KCNC3: variants seen among roughly 807,000 people sequenced by gnomAD.
KCNC3 encodes potassium voltage-gated channel subfamily C member 3, also known as voltage-gated potassium channel KCNC3.
A neutral mutation model predicts 43.9 loss-of-function variants in KCNC3; 22 were observed. That is an observed-to-expected ratio of 0.50 (90% CI 0.36 to 0.72). The LOEUF (loss-of-function observed/expected upper bound fraction) is 0.72. Among genes scored for constraint, KCNC3 ranks in the 30% least tolerant of loss-of-function variants. The pLI is 0.00. For missense variants in KCNC3, 829 were observed against 1,073.8 expected (o/e 0.77, Z 3.19); for synonymous variants, 492 against 488.0 (o/e 1.01, Z -0.11).
In KCNC3 at chr19:50,324,223, G is replaced by A. The variant is rs1240639270; in HGVS notation, c.871-141C>T. 5.5e-6 allele frequency: 4 copies of A among 729,010 alleles called. No individual in the cohort carries two copies. The highest frequency in any genetic ancestry group is 8.8e-6 in the Non-Finnish European group (4 of 455,540). The allele number at this position is 729,010 out of a possible 1,614,324, so 45.2% of individuals were successfully genotyped here. On this transcript the variant is annotated intron_variant, in intron 1 of 4. Coordinates refer to ENST00000477616, the MANE Select transcript of KCNC3 (RefSeq NM_004977.3). This position sits in a 1 kb window ranked among gnomAD's most constrained non-coding sequence, Gnocchi z 4.1. ...GGCAAAATCCAGGTGTCTCAGCCCT[G>A]TGGCTCCATCACTTCCAGAATCCCA... is the stretch of plus-strand genomic sequence containing the variant.
Position 50,315,246 on chromosome 19 carries a change from C to T in KCNC3, c.*869G>A, listed in dbSNP as rs986390952. Among the ~76,000 whole-genome samples the T allele has an allele frequency of 1.3e-4, 19 of 149,554 alleles. No homozygotes were observed. Among genetic ancestry groups the T allele is most frequent in the Non-Finnish European group, 2.4e-4 (16 of 67,552 alleles). ...AGATGGAGAGAGAAAGTGAACAAAT[C>T]GGGGAGTCAGTCAACATCGATGAGA... is the stretch of plus-strand genomic sequence containing the variant. On this transcript the variant is annotated 3_prime_UTR_variant, in exon 5 of 5. Coordinates refer to ENST00000477616, the MANE Select transcript of KCNC3 (RefSeq NM_004977.3).
At chr19:50,317,500 G>T (rs557904539) in intron 4 of KCNC3, among the ~76,000 whole-genome samples, 71 of 152,232 alleles carry the variant, frequency 4.7e-4, no homozygotes, top group Non-Finnish European at 7.9e-4. Context: ...TTGAATGAAT[G>T]CATGATGGAT....
rs1312786882 is a variant in KCNC3, at chr19:50,313,349, C to T, written c.*2766G>A. The T allele has an allele frequency of 5.3e-5, 8 of 152,212 alleles. No homozygotes were observed. Among genetic ancestry groups the T allele is most frequent in the Admixed American group, 4.6e-4 (7 of 15,288 alleles). The allele number at this position is 152,212 out of a possible 1,614,324, so 9.4% of individuals were successfully genotyped here. On this transcript the variant is annotated 3_prime_UTR_variant, in exon 5 of 5. Coordinates refer to ENST00000477616, the MANE Select transcript of KCNC3 (RefSeq NM_004977.3). ...CTACTTTAAATGGAAACACTCTTAA[C>T]CTAAATAAACCGTGTCCTAGCCAAG...
In KCNC3 at chr19:50,328,282, T is replaced by C. The variant is rs2037130948; in HGVS notation, c.801A>G (p.Thr267=). ...PPGGAGGAGG[T]WWRRWQPRVW... ...CGCGGGGCTGCCAGCGGCGCCACCA[T>C]GTGCCGCCCGCGCCGCCCGCGCCCC... The change falls in exon 1 of 5, where the codon ACA becomes ACG. Residue 267 remains threonine, a synonymous_variant. Transcript: ENST00000477616. 8.5e-7 allele frequency: 1 copy of C among 1,179,142 alleles called. No homozygotes were observed. 73.0% of individuals were successfully genotyped at this position (1,179,142 alleles called of 1,614,324 possible).
intron 4 of KCNC3, among the ~76,000 whole-genome samples, chr19:50,316,939 CTCCAGCCATGATTTGAGT>C (rs1269910723): frequency 2.0e-5 from 3 of 152,024 alleles, no homozygotes; most frequent in Non-Finnish European, 2.9e-5. Flanking sequence ...ACCCCATCAG[CTCCAGCCATGATTTGAGT>C]TCAATGAATG....
At chr19:50,326,930 GA>G (rs142215367) in intron 1 of KCNC3, among the ~76,000 whole-genome samples, 7,144 of 147,568 alleles carry the variant, frequency 0.048, 374 homozygotes, top group African/African-American at 0.11. Flanking sequence ...GGCGGGGGGG[GA>G]GGTTCGAGAA....
Position 50,328,759 on chromosome 19 carries a change from G to A in KCNC3, c.324C>T (p.Thr108=). 6.3e-7 allele frequency: 1 copy of A among 1,589,720 alleles called. No individual in the cohort carries two copies. The highest frequency in any genetic ancestry group is 8.6e-7 in the Non-Finnish European group (1 of 1,168,952). Residue 108 remains threonine, a synonymous_variant, in exon 1 of 5, where the codon ACC becomes ACT. Transcript: ENST00000477616. ...RHETYRSTLR[T]LPGTRLAGLT... ...GGCCGGCCAGCCGCGTCCCCGGCAGGGTGCGCAGCGTCGAGCGGTACGTCT... is the reference window on the plus strand; with the variant it reads ...GGCCGGCCAGCCGCGTCCCCGGCAGAGTGCGCAGCGTCGAGCGGTACGTCT...
At chr19:50,322,023 G>A (rs1213662954) in intron 2 of KCNC3, among the ~76,000 whole-genome samples, 2 of 151,982 alleles carry the variant, frequency 1.3e-5, no homozygotes, top group Non-Finnish European at 2.9e-5. Context: ...GAGGTGGGAC[G>A]TGGGGGTCCC....
At position 50,323,244 on chromosome 19, in the gene KCNC3, C is replaced by T; in HGVS notation, c.1709G>A (p.Gly570Asp). 1 of 1,595,342 alleles carries T rather than the reference C, an allele frequency of 6.3e-7. No homozygotes were observed. Among genetic ancestry groups the T allele is most frequent in the East Asian group, 2.2e-5 (1 of 44,530 alleles). ...GTCAGGCTTGCAGTAGTTGGGCGAGCCCGGTTGCGGGGGCCGGGGGATGTG... is the reference window on the plus strand; with the variant it reads ...GTCAGGCTTGCAGTAGTTGGGCGAGTCCGGTTGCGGGGGCCGGGGGATGTG... ...NKHIPRPPQP[G>D]SPNYCKPDPP... The change falls in exon 2 of 5, where the codon GGC becomes GAC. Residue 570 changes from glycine (G) to aspartate (D), a missense_variant. Physicochemically the swap from Gly to Asp is moderately conservative, Grantham distance 94. Coordinates refer to ENST00000477616, the MANE Select transcript of KCNC3 (RefSeq NM_004977.3).
At position 50,323,500 on chromosome 19, in the gene KCNC3, T is replaced by A. The variant is rs2037062711; in HGVS notation, c.1453A>T (p.Thr485Ser). ...DPDDILGSNH[T>S]YFKNIPIGFW... ...CCAATGGGGATGTTCTTGAAGTAGG[T>A]GTGGTTGGAGCCCAGGATGTCATCG... The change falls in exon 2 of 5, where the codon ACC becomes TCC. Residue 485 changes from threonine (T) to serine (S), a missense_variant. This residue lies in a region of KCNC3 where 21 missense variants were observed against 21.0 expected (regional missense o/e 1.00). Transcript: ENST00000477616. 1.2e-6 allele frequency: 2 copies of A among 1,613,866 alleles called. No homozygotes were observed. Among genetic ancestry groups the A allele is most frequent in the Admixed American group, 3.3e-5 (2 of 59,998 alleles).
chr19:50,328,521 T>C lies in KCNC3; in HGVS notation c.562A>G (p.Thr188Ala). 2 of 1,610,202 alleles carry C rather than the reference T, an allele frequency of 1.2e-6. No homozygotes were observed. Among genetic ancestry groups the C allele is most frequent in the Non-Finnish European group, 1.7e-6 (2 of 1,179,360 alleles). Residue 188 changes from threonine to alanine, a missense_variant, in exon 1 of 5, where the codon ACC becomes GCC. This residue lies in a region of KCNC3 where 121 missense variants were observed against 247.4 expected (regional missense o/e 0.49). Transcript: ENST00000477616. ...ETDVEACCWM[T>A]YRQHRDAEEA... ...TCAGCGTCGCGATGCTGCCGGTAGG[T>C]CATCCAGCAGCAGGCCTCCACGTCG... is the stretch of plus-strand genomic sequence containing the variant.
At chr19:50,330,181 C>T (rs2037170546), upstream of KCNC3, among the ~76,000 whole-genome samples, 1 of 152,076 alleles carries the variant, frequency 6.6e-6, no homozygotes, top group Admixed American at 6.5e-5. Flanking sequence ...GCAGGAGAAT[C>T]GCTTGAACCT....
rs116701094 is a variant in KCNC3 at position 50,315,333 on chromosome 19, G to A, written c.*782C>T. On this transcript the variant is annotated 3_prime_UTR_variant, in exon 5 of 5. Transcript: ENST00000477616. ...ATTAGGAGGCAGGTTGGTGCCCACC[G>A]AGCCTCCCCCGCCCCATTCCCACCA... Among the ~76,000 whole-genome samples, 2,214 of 151,746 alleles carry A rather than the reference G, an allele frequency of 0.015. 51 individuals carry two copies. The highest frequency in any genetic ancestry group is 0.047 in the African/African-American group (1,954 of 41,346).
At chr19:50,317,150 TTAGA>T (rs886825284) in intron 4 of KCNC3, among the ~76,000 whole-genome samples, 44 of 141,474 alleles carry the variant, frequency 3.1e-4, no homozygotes, top group African/African-American at 1.1e-3. Flanking sequence ...GGGGGAGGAG[TTAGA>T]TAGGAGCAGG....
chr19:50,322,689 C>T lies in KCNC3; in HGVS notation c.1978+286G>A, dbSNP rs551303673. On this transcript the variant is annotated intron_variant, in intron 2 of 4. Transcript: ENST00000477616. Reference sequence around the variant, plus strand: ...TCTTTCTGTGTCTCTCTGAGCCCCACGCTCCTCCGGGTCCCTCTCTCTGCA... The same window carrying T: ...TCTTTCTGTGTCTCTCTGAGCCCCATGCTCCTCCGGGTCCCTCTCTCTGCA... Among the ~76,000 whole-genome samples, 9 of 152,216 alleles carry T rather than the reference C, an allele frequency of 5.9e-5. No individual in the cohort carries two copies. The South Asian group carries it at 1.9e-3, about 32-fold the overall frequency.
chr19:50,320,576 TA>T lies in KCNC3; in HGVS notation c.2170+16del, dbSNP rs1363163399. On this transcript the variant is annotated intron_variant, in intron 3 of 4. Coordinates refer to ENST00000477616, the MANE Select transcript of KCNC3 (RefSeq NM_004977.3). ...GAGAGGGAGGGTCCCAGGGGATCAG[TA>T]GGGGGGGCACCTCACCTTTTCGGAT... The T allele has an allele frequency of 1.9e-6, 3 of 1,595,830 alleles. No individual in the cohort carries two copies. The highest frequency in any genetic ancestry group is 2.6e-6 in the Non-Finnish European group (3 of 1,171,042).
chr19:50,315,949 T>G lies in KCNC3; in HGVS notation c.*166A>C. The stretch of plus-strand genomic sequence containing the variant: ...GGAGCTGTCTGGACAAAAGGTGTCT[T>G]GATCGTAGGAGGGAGGGCTTGGGGG... On this transcript the variant is annotated 3_prime_UTR_variant, in exon 5 of 5. Transcript: ENST00000477616. 1 of 324,902 alleles carries G rather than the reference T, an allele frequency of 3.1e-6. No individual in the cohort carries two copies. 20.1% of individuals were successfully genotyped at this position (324,902 alleles called of 1,614,324 possible).
intron 2 of KCNC3, among the ~76,000 whole-genome samples, chr19:50,322,156 G>T (rs1412907245): frequency 6.6e-6 from 1 of 152,042 alleles, no homozygotes; most frequent in Non-Finnish European, 1.5e-5. Context: ...CAGTGCAGGG[G>T]GGGGCCACCA....
chr19:50,327,170 A>G (rs1189406266), intron 1 of KCNC3, among the ~76,000 whole-genome samples: 1 of 151,576 alleles, frequency 6.6e-6, no homozygotes, highest in Non-Finnish European at 1.5e-5. Context: ...AATGATGGAG[A>G]GGAGAAGCTG....
Sources: allele counts gnomAD v4.1 joint callset (sites outside exome capture counted in the v4.1 genomes callset), GRCh38; gene constraint gnomAD v4.1.1; regional missense constraint gnomAD v4.1.1; non-coding constraint Gnocchi (gnomAD v3.1); transcripts MANE v1.5; gene names NCBI Gene and HGNC (gene_info 2026-07-23, HGNC 2026-07-21).